PCDHA12: variants seen among roughly 807,000 people sequenced by gnomAD.
The protein encoded by PCDHA12 is protocadherin alpha 12, also known as protocadherin alpha-12.
PCDHA12 carries 44 observed loss-of-function variants against 60.0 expected under a neutral mutation model. That is an observed-to-expected ratio of 0.73 (90% CI 0.58 to 0.94). The LOEUF (loss-of-function observed/expected upper bound fraction) is 0.94, where lower values mean the gene tolerates loss of function less well. PCDHA12 is among the 40% of genes least tolerant of loss of function. PCDHA12 has a pLI of 0.00. For missense variants in PCDHA12, 1,276 were observed against 1,239.7 expected, an observed-to-expected ratio of 1.03 and a Z score of -0.44; for synonymous variants, 569 against 553.0, an observed-to-expected ratio of 1.03 and a Z score of -0.40.
At chr5:140,920,609 G>C (rs1319890021) in intron 1 of PCDHA12, among the ~76,000 whole-genome samples, 1 of 152,160 alleles carries the variant, frequency 6.6e-6, no homozygotes. Flanking sequence ...ACTTTGGGAG[G>C]CCGAGGCGGA....
chr5:141,010,146 C>T lies in PCDHA12; in HGVS notation c.*209C>T. 2 of 1,584,410 alleles carry T rather than the reference C, an allele frequency of 1.3e-6. No homozygotes were observed. Among genetic ancestry groups the T allele is most frequent in the Non-Finnish European group, 1.7e-6 (2 of 1,164,258 alleles). On this transcript the variant is annotated 3_prime_UTR_variant, in exon 4 of 4. Coordinates refer to ENST00000398631, the MANE Select transcript of PCDHA12 (RefSeq NM_018903.4). ...TAAGTCTGGTGTTAACTCTTTCTCTCCACTCTGGCTTGTTTTCAGAACCTA... is the reference window on the plus strand; with the variant it reads ...TAAGTCTGGTGTTAACTCTTTCTCTTCACTCTGGCTTGTTTTCAGAACCTA...
chr5:140,971,943 A>T (rs2096507947), intron 1 of PCDHA12, among the ~76,000 whole-genome samples: 1 of 152,186 alleles, frequency 6.6e-6, no homozygotes, highest in Non-Finnish European at 1.5e-5. Flanking sequence ...AGTTGTATCC[A>T]TCTGACTCCA....
At chr5:140,990,988 C>A (rs1332573282) in intron 3 of PCDHA12, among the ~76,000 whole-genome samples, 5 of 152,184 alleles carry the variant, frequency 3.3e-5, no homozygotes, top group Admixed American at 6.5e-5. Flanking sequence ...AAGACAATAG[C>A]TACCATTTAT....
intron 1 of PCDHA12, among the ~76,000 whole-genome samples, chr5:140,889,720 T>G (rs1259294888): frequency 2.6e-5 from 4 of 152,240 alleles, no homozygotes; most frequent in African/African-American, 9.6e-5. Context: ...TCTTTGCTAC[T>G]GTCTCACTGA....
chr5:141,006,365 C>A, intron 3 of PCDHA12, among the ~76,000 whole-genome samples: 1 of 151,966 alleles, frequency 6.6e-6, no homozygotes, highest in East Asian at 1.9e-4. Flanking sequence ...GCGCCCACCA[C>A]CACGCCCGGC....
intron 1 of PCDHA12, chr5:140,968,752 C>T: frequency 6.2e-7 from 1 of 1,614,094 alleles, no homozygotes; most frequent in Non-Finnish European, 8.5e-7. Context: ...CCGTGGTGGT[C>T]CGAGATAATG....
chr5:140,968,135 G>C (rs2096222877), intron 1 of PCDHA12: 2 of 1,614,034 alleles, frequency 1.2e-6, no homozygotes, highest in Non-Finnish European at 1.7e-6. Flanking sequence ...TACACTGAAG[G>C]TTGAGATCTC....
At chr5:140,942,418 A>G (rs1554214971) in intron 1 of PCDHA12, among the ~76,000 whole-genome samples, 2 of 152,146 alleles carry the variant, frequency 1.3e-5, no homozygotes, top group South Asian at 2.1e-4. Flanking sequence ...TTAAAAAAAA[A>G]AAAGATATCT....
At chr5:140,906,022 C>T (rs782487413) in intron 1 of PCDHA12, among the ~76,000 whole-genome samples, 9 of 152,192 alleles carry the variant, frequency 5.9e-5, no homozygotes, top group African/African-American at 1.2e-4. Context: ...AATCTCTCCA[C>T]GTTCTTCTGT....
rs543899552 is a variant in PCDHA12 at position 140,891,287 on chromosome 5, A to T, written c.2367+13448A>T. ...AATTTTTCCGTAAGTTATTGGGGGT[A>T]CAGGTGGTATTTGATTACATGAGTA... is the stretch of plus-strand genomic sequence containing the variant. On this transcript the variant is annotated intron_variant, in intron 1 of 3. Transcript: ENST00000398631. 3.9e-5 allele frequency among the ~76,000 whole-genome samples: 6 copies of T among 152,176 alleles called. No individual in the cohort carries two copies. In the South Asian group the frequency reaches 6.2e-4, roughly 16 times the overall value.
chr5:140,904,926 A>G (rs1459530811), intron 1 of PCDHA12, among the ~76,000 whole-genome samples: 1 of 152,130 alleles, frequency 6.6e-6, no homozygotes, highest in Admixed American at 6.5e-5. Context: ...ACTTCCTTGT[A>G]GGTTCTGGAT....
chr5:140,957,591 C>T (rs1554223040), intron 1 of PCDHA12, among the ~76,000 whole-genome samples: 1 of 151,946 alleles, frequency 6.6e-6, no homozygotes, highest in African/African-American at 2.4e-5. Flanking sequence ...CAAAGCACTT[C>T]CCAGAATAAA....
chr5:140,957,630 C>A (rs2095372065), intron 1 of PCDHA12, among the ~76,000 whole-genome samples: 1 of 152,000 alleles, frequency 6.6e-6, no homozygotes, highest in Non-Finnish European at 1.5e-5. Context: ...CACACACTTT[C>A]AGAAATGCAC....
At chr5:140,896,858 A>C (rs1448787828) in intron 1 of PCDHA12, among the ~76,000 whole-genome samples, 3 of 152,192 alleles carry the variant, frequency 2.0e-5, no homozygotes, top group Non-Finnish European at 4.4e-5. Context: ...TGGGTACATA[A>C]TAAGTGTACA....
chr5:140,982,264 TG>T, intron 2 of PCDHA12: 1 of 865,882 alleles, frequency 1.2e-6, no homozygotes, highest in Non-Finnish European at 1.7e-6. Flanking sequence ...TGTGTGTTCC[TG>T]GAATAGTATA....
At chr5:140,882,048 C>T in intron 1 of PCDHA12, 1 of 745,800 alleles carries the variant, frequency 1.3e-6, no homozygotes, top group Non-Finnish European at 2.1e-6. Context: ...CTGAGTCATA[C>T]TTACACTTAC....
chr5:141,002,675 A>G (rs782045638), intron 3 of PCDHA12, among the ~76,000 whole-genome samples: 5 of 152,222 alleles, frequency 3.3e-5, no homozygotes, highest in African/African-American at 4.8e-5. Context: ...ACCAAAACCT[A>G]TACGACGTGC....
At chr5:140,954,889 G>C (rs2095106564) in intron 1 of PCDHA12, among the ~76,000 whole-genome samples, 1 of 152,070 alleles carries the variant, frequency 6.6e-6, no homozygotes, top group East Asian at 1.9e-4. Flanking sequence ...TTCTTCTAGG[G>C]TTTTTATAGT....
chr5:140,996,705 CTT>C (rs1222604793), intron 3 of PCDHA12, among the ~76,000 whole-genome samples: 3 of 152,108 alleles, frequency 2.0e-5, no homozygotes, highest in African/African-American at 7.2e-5. Flanking sequence ...ACCTCTATCT[CTT>C]TGATTTAATT....
Sources: gnomAD v4.1 joint callset for allele counts (sites outside exome capture counted in the v4.1 genomes callset) on GRCh38, gnomAD v4.1.1 for gene constraint, MANE v1.5 for transcripts, NCBI Gene and HGNC (gene_info 2026-07-23, HGNC 2026-07-21) for gene names.